The following CNTN5 variants were observed in gnomAD, a reference collection of about 807,000 sequenced individuals.
CNTN5 encodes the protein contactin-5.
CNTN5 carries 77 observed loss-of-function variants against 129.1 expected under a neutral mutation model. The observed-to-expected ratio is 0.60, with a 90% CI of 0.50 to 0.72. The LOEUF (loss-of-function observed/expected upper bound fraction) is 0.72, where lower values mean the gene tolerates loss of function less well. CNTN5 is among the 30% of genes least tolerant of loss of function. CNTN5 has a pLI of 0.00. For synonymous variants in CNTN5, 509 were observed against 465.6 expected (o/e 1.09, Z -1.20); for missense variants, 1,478 against 1,328.8 (o/e 1.11, Z -1.75).
intron 2 of CNTN5, among the ~76,000 whole-genome samples, chr11:99,370,272 T>C (rs1400569527): frequency 6.6e-6 from 1 of 152,234 alleles, no homozygotes; most frequent in Non-Finnish European, 1.5e-5. Context: ...ATTAATTTTC[T>C]GAAATGTCAC....
At chr11:99,797,902 A>T (rs1388861875) in intron 3 of CNTN5, among the ~76,000 whole-genome samples, 1 of 152,170 alleles carries the variant, frequency 6.6e-6, no homozygotes, top group Non-Finnish European at 1.5e-5. Flanking sequence ...ACCACAATAA[A>T]ATAAAATCAT....
intron 21 of CNTN5, among the ~76,000 whole-genome samples, chr11:100,311,536 T>A (rs561086543): frequency 8.5e-5 from 13 of 152,068 alleles, no homozygotes; most frequent in African/African-American, 2.9e-4. Context: ...CTAAGATCAC[T>A]GAATATTTGG....
intron 6 of CNTN5, among the ~76,000 whole-genome samples, chr11:99,909,975 G>A (rs1384574323): frequency 6.6e-6 from 1 of 150,926 alleles, no homozygotes; most frequent in Non-Finnish European, 1.5e-5. Context: ...AATAAAAAAA[G>A]AATTGTAGCA....
chr11:100,232,813 A>G (rs1039314097), intron 16 of CNTN5, among the ~76,000 whole-genome samples: 1 of 152,178 alleles, frequency 6.6e-6, no homozygotes, highest in Non-Finnish European at 1.5e-5. Flanking sequence ...TGAGCAGCAC[A>G]TTTTGCTCTC....
At chr11:99,448,578 A>G (rs12287113) in intron 2 of CNTN5, among the ~76,000 whole-genome samples, 2,961 of 151,880 alleles carry the variant, frequency 0.019, 93 homozygotes, top group African/African-American at 0.067. Flanking sequence ...GTGACTATCA[A>G]GAGTAAATCC....
chr11:99,577,294 T>C (rs753961334), intron 3 of CNTN5, among the ~76,000 whole-genome samples: 5 of 152,156 alleles, frequency 3.3e-5, no homozygotes, highest in Non-Finnish European at 5.9e-5. Flanking sequence ...ACAGAGATTC[T>C]TGCCCCCATC....
intron 16 of CNTN5, among the ~76,000 whole-genome samples, chr11:100,234,230 G>T (rs1949553517): frequency 6.6e-6 from 1 of 152,154 alleles, no homozygotes; most frequent in South Asian, 2.1e-4. Flanking sequence ...GTAGAAGACA[G>T]TGTGGTGATT....
At chr11:99,942,442 G>A (rs1198393984) in intron 7 of CNTN5, among the ~76,000 whole-genome samples, 1 of 152,054 alleles carries the variant, frequency 6.6e-6, no homozygotes, top group African/African-American at 2.4e-5. Context: ...AATTGGCAGT[G>A]TTGTAAGCAA....
intron 13 of CNTN5, among the ~76,000 whole-genome samples, chr11:100,157,506 C>T (rs58584365): frequency 2.0e-3 from 288 of 146,626 alleles, no homozygotes; most frequent in African/African-American, 7.0e-3. Context: ...AAAACTCAAT[C>T]TTGTAAAAAA....
intron 4 of CNTN5, among the ~76,000 whole-genome samples, chr11:99,825,007 A>G (rs1223407988): frequency 1.3e-5 from 2 of 152,024 alleles, no homozygotes; most frequent in Non-Finnish European, 2.9e-5. Context: ...AAGTTGGTAT[A>G]TAGAGCCCTA....
At chr11:99,758,842 T>G (rs910320797) in intron 3 of CNTN5, among the ~76,000 whole-genome samples, 2 of 152,034 alleles carry the variant, frequency 1.3e-5, no homozygotes, top group African/African-American at 4.8e-5. Context: ...ATTCATAGTA[T>G]AAGATTAAAA....
intron 1 of CNTN5, among the ~76,000 whole-genome samples, chr11:99,313,876 C>T (rs947569192): frequency 2.0e-5 from 3 of 151,928 alleles, no homozygotes; most frequent in South Asian, 2.1e-4. Flanking sequence ...TTAGTCGTAT[C>T]GTAGACTTTC....
intron 4 of CNTN5, chr11:99,844,605 ATGTC>A (rs772390674): frequency 1.3e-4 from 62 of 460,840 alleles, no homozygotes; most frequent in Non-Finnish European, 2.3e-4. Context: ...TAAAATATAA[ATGTC>A]TGAGGTTTGT....
chr11:99,087,597 G>C (rs1031929347), intron 1 of CNTN5, among the ~76,000 whole-genome samples: 15 of 152,158 alleles, frequency 9.9e-5, no homozygotes, highest in Non-Finnish European at 1.9e-4. Flanking sequence ...AATCCAGGTG[G>C]TTGTGCACAA....
chr11:99,848,208 T>TCAAAA (rs947289253), intron 6 of CNTN5, among the ~76,000 whole-genome samples: 1 of 152,130 alleles, frequency 6.6e-6, no homozygotes, highest in Non-Finnish European at 1.5e-5. Flanking sequence ...AGACTCCTTC[T>TCAAAA]CAAAACAAAA....
At chr11:99,485,320 G>A (rs560933635) in intron 2 of CNTN5, among the ~76,000 whole-genome samples, 13 of 151,816 alleles carry the variant, frequency 8.6e-5, no homozygotes, top group African/African-American at 2.7e-4. Flanking sequence ...GGATTTTAGG[G>A]GAATAGAACT....
intron 3 of CNTN5, among the ~76,000 whole-genome samples, chr11:99,684,710 AT>A (rs1953710389): frequency 6.6e-6 from 1 of 151,828 alleles, no homozygotes. Context: ...TATTCTAGAA[AT>A]TTGTCCATTT....
chr11:99,530,108 A>G (rs1947638001), intron 2 of CNTN5, among the ~76,000 whole-genome samples: 1 of 152,146 alleles, frequency 6.6e-6, no homozygotes, highest in African/African-American at 2.4e-5. Flanking sequence ...CTAACCAAGC[A>G]AGCATTCAAT....
At chr11:99,455,783 A>T (rs994225002) in intron 2 of CNTN5, among the ~76,000 whole-genome samples, 97 of 152,334 alleles carry the variant, frequency 6.4e-4, no homozygotes, top group African/African-American at 2.3e-3. Flanking sequence ...AGGGAAAAAA[A>T]GCATGAAAAA....
Sources: gnomAD v4.1 joint callset for allele counts (sites outside exome capture counted in the v4.1 genomes callset) on GRCh38, gnomAD v4.1.1 for gene constraint, MANE v1.5 for transcripts, NCBI Gene and HGNC (gene_info 2026-07-23, HGNC 2026-07-21) for gene names.